The following ITPK1 variants were observed in gnomAD, a reference collection of about 807,000 sequenced individuals.
ITPK1 encodes the protein inositol 1,3,4-trisphosphate 5/6-kinase.
ITPK1 carries 21 observed loss-of-function variants against 45.3 expected under a neutral mutation model. The ratio of observed to expected loss-of-function variants is 0.46; its 90% CI spans 0.33 to 0.67. ITPK1 has a LOEUF of 0.67. Among genes scored for constraint, ITPK1 ranks in the 30% least tolerant of loss-of-function variants. The pLI is 0.02. For synonymous variants in ITPK1, 258 were observed against 253.6 expected, an observed-to-expected ratio of 1.02 and a Z score of -0.16; for missense variants, 474 against 573.5, an observed-to-expected ratio of 0.83 and a Z score of 1.77.
intron 2 of ITPK1, among the ~76,000 whole-genome samples, chr14:93,080,824 C>T (rs1292831899): frequency 1.3e-5 from 2 of 152,014 alleles, no homozygotes; most frequent in African/African-American, 4.8e-5. Context: ...GCAACCTCCG[C>T]CTCCTGGGTT....
At chr14:93,031,430 C>T (rs1889054248) in intron 3 of ITPK1, among the ~76,000 whole-genome samples, 1 of 152,254 alleles carries the variant, frequency 6.6e-6, no homozygotes, top group Non-Finnish European at 1.5e-5. Flanking sequence ...TTGCCTGGTA[C>T]AGGCTGTAAG....
At chr14:92,970,717 G>A (rs1169119514) in intron 5 of ITPK1, among the ~76,000 whole-genome samples, 1 of 151,790 alleles carries the variant, frequency 6.6e-6, no homozygotes, top group African/African-American at 2.4e-5. Context: ...CTCACTGCAA[G>A]CTCTGCCTTC....
Position 93,076,712 on chromosome 14 carries a change from TGA to T in ITPK1, c.96-95_96-94del. ...CGACAGCCGGCTGAGGGCAGGACCA[TGA>T]GAGGGTTTCAGGAGGGAGCCGGCAG... is the stretch of plus-strand genomic sequence containing the variant. On this transcript the variant is annotated intron_variant, in intron 2 of 10. Transcript: ENST00000267615. The surrounding 1 kb of genome is among the most constrained non-coding windows in gnomAD (Gnocchi z 4.3). The T allele has an allele frequency of 1.3e-6, 2 of 1,506,086 alleles. No homozygotes were observed. The highest frequency in any genetic ancestry group is 9.2e-7 in the Non-Finnish European group (1 of 1,083,698). 93.3% of individuals were successfully genotyped at this position (1,506,086 alleles called of 1,614,324 possible). A position where few individuals can be genotyped will look rare whatever the true frequency, so the allele number is the denominator to read the frequency against.
chr14:92,981,902 T>C (rs902026024), intron 5 of ITPK1, among the ~76,000 whole-genome samples: 3 of 152,138 alleles, frequency 2.0e-5, no homozygotes, highest in Non-Finnish European at 2.9e-5. Context: ...AACCCCAAAG[T>C]TGGAGTTAGT....
At chr14:93,025,444 C>G (rs1353974022) in intron 3 of ITPK1, among the ~76,000 whole-genome samples, 1 of 152,172 alleles carries the variant, frequency 6.6e-6, no homozygotes, top group Non-Finnish European at 1.5e-5. Flanking sequence ...AATCAGCCCA[C>G]GGTTTTCTCA....
rs183636557 is a variant in ITPK1, at chr14:93,108,921, G to A, written c.95+6148C>T. 6.6e-4 allele frequency among the ~76,000 whole-genome samples: 101 copies of A among 152,348 alleles called. 1 individual carries two copies. Among genetic ancestry groups the A allele is most frequent in the African/African-American group, 2.2e-3 (92 of 41,580 alleles). On this transcript the variant is annotated intron_variant, in intron 2 of 10. Transcript: ENST00000267615. ...CCAGCTACTCGGGAGGCTAAGACAG[G>A]AGAATCACTTGAACCCAGGAGGCGG...
At chr14:92,951,780 G>C (rs763981725) in intron 9 of ITPK1, among the ~76,000 whole-genome samples, 166 bp downstream of exon 9, 12 of 152,156 alleles carry the variant, frequency 7.9e-5, no homozygotes, top group South Asian at 6.2e-4. Flanking sequence ...GCAAGCAGAG[G>C]AACAGGGGGC....
chr14:92,943,669 G>C (rs546353374), intron 10 of ITPK1, among the ~76,000 whole-genome samples: 1 of 152,342 alleles, frequency 6.6e-6, no homozygotes, highest in Admixed American at 6.5e-5. Flanking sequence ...GCTTTCTGTG[G>C]TGGTGCAGAG....
In ITPK1 at chr14:93,016,479, C is replaced by A. The variant is rs560402858; in HGVS notation, c.246+197G>T. ...GCCCAACCATGCCCTGGTTCAGTCC[C>A]CACGCTACACCCGAGGACACTGACG... is the stretch of plus-strand genomic sequence containing the variant. On this transcript the variant is annotated intron_variant, in intron 4 of 10. Transcript: ENST00000267615. The surrounding 1 kb of genome is among the most constrained non-coding windows in gnomAD (Gnocchi z 5.0). Among the ~76,000 whole-genome samples, 18 of 152,172 alleles carry A rather than the reference C, an allele frequency of 1.2e-4. No individual in the cohort carries two copies. The highest frequency in any genetic ancestry group is 1.6e-4 in the Non-Finnish European group (11 of 68,028).
intron 5 of ITPK1, among the ~76,000 whole-genome samples, chr14:92,967,945 T>C (rs574084582): frequency 6.6e-6 from 1 of 152,232 alleles, no homozygotes; most frequent in African/African-American, 2.4e-5. Flanking sequence ...TACATTCCTT[T>C]GGGGGTGATG....
At chr14:92,969,230 A>C (rs1292960175) in intron 5 of ITPK1, among the ~76,000 whole-genome samples, 1 of 152,240 alleles carries the variant, frequency 6.6e-6, no homozygotes, top group East Asian at 1.9e-4. Flanking sequence ...CGAGGAGCTT[A>C]CATTCTAGTG....
rs1797700461 is a variant in ITPK1, at chr14:93,016,300, C to T, written c.246+376G>A. Among the ~76,000 whole-genome samples, 1 of 152,184 alleles carries T rather than the reference C, an allele frequency of 6.6e-6. No homozygotes were observed. The highest frequency in any genetic ancestry group is 2.4e-5 in the African/African-American group (1 of 41,452). ...CAGTTCAAAGGCCCTCGGGGGTCCC[C>T]TTTACCAAGTGCAGCAGAAGGGTTC... On this transcript the variant is annotated intron_variant, in intron 4 of 10. Transcript: ENST00000267615. The surrounding 1 kb of genome is among the most constrained non-coding windows in gnomAD (Gnocchi z 5.0).
At position 92,941,662 on chromosome 14, in the gene ITPK1, C is replaced by T. The variant is rs200219026; in HGVS notation, c.1144G>A (p.Ala382Thr). 185 of 1,539,792 alleles carry T rather than the reference C, an allele frequency of 1.2e-4. No individual in the cohort carries two copies. The highest frequency in any genetic ancestry group is 4.0e-4 in the African/African-American group (29 of 72,912). The change falls in exon 11 of 11, where the codon GCC becomes ACC. Residue 382 changes from alanine (A) to threonine (T), a missense_variant. Coordinates refer to ENST00000267615, the MANE Select transcript of ITPK1 (RefSeq NM_014216.6). ...WKAEADAGGT[A>T]KLPHQRLGCN... ...CCGAGTCTCTGGTGCGGCAGCTTGGCGGTGCCGCCCGCGTCGGCCTCAGCC... is the reference window on the plus strand; with the variant it reads ...CCGAGTCTCTGGTGCGGCAGCTTGGTGGTGCCGCCCGCGTCGGCCTCAGCC...
At chr14:93,001,687 A>T (rs1190881227) in intron 4 of ITPK1, among the ~76,000 whole-genome samples, 2 of 152,196 alleles carry the variant, frequency 1.3e-5, no homozygotes, top group African/African-American at 4.8e-5. Flanking sequence ...TTGACAGAAG[A>T]ACTGAAATTA....
intron 2 of ITPK1, among the ~76,000 whole-genome samples, chr14:93,107,689 A>T (rs1439981954): frequency 6.6e-6 from 1 of 152,062 alleles, no homozygotes; most frequent in Non-Finnish European, 1.5e-5. Flanking sequence ...CCCTTGTGAG[A>T]GTGATTCTTG....
intron 5 of ITPK1, among the ~76,000 whole-genome samples, chr14:92,965,490 C>T (rs777492025): frequency 4.6e-5 from 7 of 152,126 alleles, no homozygotes; most frequent in South Asian, 4.1e-4. Context: ...GTTCTAGCCA[C>T]GGCCATTAGG....
At chr14:93,081,095 C>T (rs919928790) in intron 2 of ITPK1, among the ~76,000 whole-genome samples, 2 of 151,434 alleles carry the variant, frequency 1.3e-5, no homozygotes, top group Non-Finnish European at 2.9e-5. Context: ...TTTGGGAGGC[C>T]GAGGTGGGCC....
In ITPK1 at chr14:92,938,735, A is replaced by G; in HGVS notation, c.*2826T>C. 1 of 599,296 alleles carries G rather than the reference A, an allele frequency of 1.7e-6. No homozygotes were observed. The highest frequency in any genetic ancestry group is 2.9e-5 in the Admixed American group (1 of 33,978). The allele number at this position is 599,296 out of a possible 1,614,324, so 37.1% of individuals were successfully genotyped here. ...TCCATGACACCAAGGGCAAAGCACC[A>G]GTTCCAGGGTGGCCTCCCCTTGGCT... On this transcript the variant is annotated 3_prime_UTR_variant, in exon 11 of 11. Coordinates refer to ENST00000267615, the MANE Select transcript of ITPK1 (RefSeq NM_014216.6).
At chr14:93,042,509 C>T (rs1483355174) in intron 3 of ITPK1, among the ~76,000 whole-genome samples, 3 of 152,130 alleles carry the variant, frequency 2.0e-5, no homozygotes, top group Non-Finnish European at 4.4e-5. Flanking sequence ...TGATCGGATA[C>T]CCCTAACAGC....
Sources: gnomAD v4.1 joint callset for allele counts (sites outside exome capture counted in the v4.1 genomes callset) on GRCh38, gnomAD v4.1.1 for gene constraint, Gnocchi (gnomAD v3.1) non-coding constraint, MANE v1.5 for transcripts, NCBI Gene and HGNC (gene_info 2026-07-23, HGNC 2026-07-21) for gene names.